The following GNAQ variants were observed in gnomAD, a reference collection of about 807,000 sequenced individuals.
The protein encoded by GNAQ is G protein subunit alpha q.
In GNAQ, 8 loss-of-function variants were observed where a neutral mutation model predicts 43.9. That is an observed-to-expected ratio of 0.18 (90% CI 0.11 to 0.33). The LOEUF is 0.33. Ranked by LOEUF, GNAQ falls within the 10% of genes least tolerant of loss-of-function variation. The pLI is 1.00. For missense variants in GNAQ, 158 were observed against 450.8 expected, an observed-to-expected ratio of 0.35 and a Z score of 5.88; for synonymous variants, 155 against 170.7, an observed-to-expected ratio of 0.91 and a Z score of 0.71.
chr9:78,024,776 C>T (rs1197702832), intron 1 of GNAQ, among the ~76,000 whole-genome samples: 1 of 151,946 alleles, frequency 6.6e-6, no homozygotes, highest in East Asian at 1.9e-4. Context: ...ATAGTAGGTG[C>T]TCATATTTGT....
chr9:77,883,461 T>G (rs974896046), intron 2 of GNAQ, among the ~76,000 whole-genome samples: 2 of 151,096 alleles, frequency 1.3e-5, no homozygotes, highest in Non-Finnish European at 2.9e-5. Context: ...GGGGGTAGTT[T>G]TTTTTTTTTT....
At chr9:77,938,449 C>T (rs189710320) in intron 1 of GNAQ, among the ~76,000 whole-genome samples, 41 of 152,208 alleles carry the variant, frequency 2.7e-4, no homozygotes, top group Non-Finnish European at 2.9e-4. Flanking sequence ...TGGCATGGCA[C>T]AAACAGTTCA....
At chr9:77,948,898 T>C (rs1471005562) in intron 1 of GNAQ, among the ~76,000 whole-genome samples, 3 of 152,240 alleles carry the variant, frequency 2.0e-5, no homozygotes, top group Middle Eastern at 3.4e-3. Flanking sequence ...GGGAGTCACA[T>C]TGGAACTTGG....
chr9:77,826,720 T>C (rs1827203691), intron 2 of GNAQ, among the ~76,000 whole-genome samples: 1 of 152,204 alleles, frequency 6.6e-6, no homozygotes, highest in Non-Finnish European at 1.5e-5. Context: ...TCCAATGAGG[T>C]AATGATAACT....
chr9:77,728,524 T>C lies in GNAQ; in HGVS notation c.879A>G (p.Pro293=), dbSNP rs1030703057. ...IMYSHLVDYF[P]EYDGPQRDAQ... Reference sequence around the variant, plus strand: ...TGAGTGCTGACTTACCATCATATTCTGGGAAGTAGTCGACTAGATGGGAAT... The same window carrying C: ...TGAGTGCTGACTTACCATCATATTCCGGGAAGTAGTCGACTAGATGGGAAT... Residue 293 remains proline, a synonymous_variant, in exon 6 of 7, where the codon CCA becomes CCG. Coordinates refer to ENST00000286548, the MANE Select transcript of GNAQ (RefSeq NM_002072.5). 1.9e-6 allele frequency: 3 copies of C among 1,604,344 alleles called. No homozygotes were observed. Among genetic ancestry groups the C allele is most frequent in the Non-Finnish European group, 2.6e-6 (3 of 1,172,536 alleles).
At chr9:77,755,596 A>G (rs1339829374) in intron 5 of GNAQ, among the ~76,000 whole-genome samples, 1 of 152,216 alleles carries the variant, frequency 6.6e-6, no homozygotes, top group Admixed American at 6.5e-5. Context: ...CTGTACTAAG[A>G]AATTATCTTC....
intron 5 of GNAQ, among the ~76,000 whole-genome samples, chr9:77,769,413 A>G (rs1187743214): frequency 6.6e-6 from 1 of 151,886 alleles, no homozygotes; most frequent in African/African-American, 2.4e-5. Flanking sequence ...AAAAAAAAAA[A>G]AAGGAAGAAG....
chr9:77,882,203 C>T (rs913931272), intron 2 of GNAQ, among the ~76,000 whole-genome samples: 8 of 152,154 alleles, frequency 5.3e-5, no homozygotes, highest in African/African-American at 1.7e-4. Context: ...TAGCTTTATA[C>T]ATAATTTTAT....
At chr9:77,779,015 C>A (rs1314695051) in intron 5 of GNAQ, among the ~76,000 whole-genome samples, 2 of 151,936 alleles carry the variant, frequency 1.3e-5, no homozygotes, top group Non-Finnish European at 2.9e-5. Flanking sequence ...ACAGATCCAG[C>A]ATGCAGAAAA....
intron 2 of GNAQ, among the ~76,000 whole-genome samples, chr9:77,898,986 A>C (rs1010649124): frequency 2.0e-5 from 3 of 152,240 alleles, no homozygotes; most frequent in Non-Finnish European, 4.4e-5. Flanking sequence ...AAAGAATTCC[A>C]AAGAGTAGCT....
At chr9:77,976,631 C>T (rs1274261894) in intron 1 of GNAQ, among the ~76,000 whole-genome samples, 1 of 152,154 alleles carries the variant, frequency 6.6e-6, no homozygotes, top group African/African-American at 2.4e-5. Context: ...ACCTCGTGAT[C>T]CACCCACCTC....
chr9:77,961,496 C>T (rs371956010), intron 1 of GNAQ, among the ~76,000 whole-genome samples: 30 of 152,130 alleles, frequency 2.0e-4, no homozygotes, highest in African/African-American at 6.8e-4. Context: ...ATGATCTACA[C>T]GTGAGTGGGG....
At chr9:77,901,631 C>T (rs1828618666) in intron 2 of GNAQ, among the ~76,000 whole-genome samples, 1 of 152,164 alleles carries the variant, frequency 6.6e-6, no homozygotes, top group Non-Finnish European at 1.5e-5. Flanking sequence ...GGGCAGAGAA[C>T]CTTACTCTCC....
intron 2 of GNAQ, among the ~76,000 whole-genome samples, chr9:77,898,547 T>C (rs1341968979): frequency 2.0e-5 from 3 of 152,202 alleles, no homozygotes; most frequent in Non-Finnish European, 4.4e-5. Context: ...ATGCACTGCT[T>C]AGCACAATGC....
intron 1 of GNAQ, among the ~76,000 whole-genome samples, chr9:77,984,049 C>CAAAAAAAAAAAAAAAA (rs72279886): frequency 1.5e-5 from 1 of 67,964 alleles, no homozygotes; most frequent in African/African-American, 5.6e-5. Flanking sequence ...TTTTGGAGAG[C>CAAAAAAAAAAAAAAAA]AAAAAAAAAA....
chr9:77,904,458 G>A (rs1828670711), intron 2 of GNAQ, among the ~76,000 whole-genome samples: 1 of 149,416 alleles, frequency 6.7e-6, no homozygotes, highest in African/African-American at 2.5e-5. Context: ...TCAGCCTCCC[G>A]AGTAGCTGGG....
intron 6 of GNAQ, among the ~76,000 whole-genome samples, chr9:77,727,081 A>G (rs1825408194): frequency 7.2e-6 from 1 of 138,502 alleles, no homozygotes. Flanking sequence ...TTGCCAAATA[A>G]ATAAACTTTT....
At chr9:78,016,474 A>G (rs749937953) in intron 1 of GNAQ, among the ~76,000 whole-genome samples, 1 of 152,162 alleles carries the variant, frequency 6.6e-6, no homozygotes, top group Non-Finnish European at 1.5e-5. Flanking sequence ...TCACGAGGCC[A>G]GGAGATCGAG....
At chr9:77,774,790 A>G (rs1826282766) in intron 5 of GNAQ, among the ~76,000 whole-genome samples, 2 of 152,178 alleles carry the variant, frequency 1.3e-5, no homozygotes, top group South Asian at 4.1e-4. Context: ...ATTAGATTTT[A>G]ATCTTTAAGA....
Sources: gnomAD v4.1 joint callset for allele counts (sites outside exome capture counted in the v4.1 genomes callset) on GRCh38, gnomAD v4.1.1 for gene constraint, MANE v1.5 for transcripts, NCBI Gene and HGNC (gene_info 2026-07-23, HGNC 2026-07-21) for gene names.